The following SMIM31 variants were observed in gnomAD, a reference collection of about 807,000 sequenced individuals.
The protein encoded by SMIM31 is human epithelial cell program regulator.
At chr4:164,782,611 G>A (rs1228968843) in intron 2 of SMIM31, among the ~76,000 whole-genome samples, 3 of 118,538 alleles carry the variant, frequency 2.5e-5, no homozygotes, top group East Asian at 2.2e-4. Context: ...GTGAGCCACT[G>A]CGCCCGGCCC....
intron 2 of SMIM31, among the ~76,000 whole-genome samples, chr4:164,785,803 T>C (rs6812196): frequency 0.61 from 93,055 of 151,774 alleles, 29,630 homozygotes; most frequent in African/African-American, 0.79. Context: ...GGAAACCTAT[T>C]TTTTGAGAAT....
intron 2 of SMIM31, among the ~76,000 whole-genome samples, chr4:164,771,257 C>G (rs562981586): frequency 2.0e-5 from 3 of 152,226 alleles, no homozygotes; most frequent in Admixed American, 6.5e-5. Flanking sequence ...TTGCAGATTG[C>G]GAAACATAAT....
At chr4:164,777,233 T>C (rs1732889765) in intron 2 of SMIM31, among the ~76,000 whole-genome samples, 1 of 152,240 alleles carries the variant, frequency 6.6e-6, no homozygotes, top group Non-Finnish European at 1.5e-5. Flanking sequence ...AAACAAAACA[T>C]GACCAGGATA....
At chr4:164,756,441 G>C (rs1732562126) in intron 1 of SMIM31, among the ~76,000 whole-genome samples, 1 of 151,782 alleles carries the variant, frequency 6.6e-6, no homozygotes, top group Admixed American at 6.6e-5. Context: ...GTGTGGTGGT[G>C]GGCGCCTGTA....
At chr4:164,767,113 A>G (rs1732730235) in intron 1 of SMIM31, among the ~76,000 whole-genome samples, 1 of 152,138 alleles carries the variant, frequency 6.6e-6, no homozygotes, top group Non-Finnish European at 1.5e-5. Flanking sequence ...GGGAGTTTGA[A>G]TTTTACTCCA....
At chr4:164,790,165 A>C (rs2110956992) in intron 2 of SMIM31, among the ~76,000 whole-genome samples, 1 of 152,344 alleles carries the variant, frequency 6.6e-6, no homozygotes, top group East Asian at 1.9e-4. Flanking sequence ...GGCACATTTT[A>C]CTAAGCAAAA....
At chr4:164,755,204 G>A (rs1278030767) in intron 1 of SMIM31, among the ~76,000 whole-genome samples, 1 of 151,510 alleles carries the variant, frequency 6.6e-6, no homozygotes, top group South Asian at 2.1e-4. Context: ...CCACAGCCAG[G>A]CACGGTGGCT....
At chr4:164,757,300 A>T (rs12505124) in intron 1 of SMIM31, among the ~76,000 whole-genome samples, 54,446 of 152,046 alleles carry the variant, frequency 0.36, 11,924 homozygotes, top group Non-Finnish European at 0.48. Flanking sequence ...TTTCATAAGT[A>T]TGTATTGCTG....
At chr4:164,795,422 G>A (rs2110963020) in intron 2 of SMIM31, among the ~76,000 whole-genome samples, 1 of 152,172 alleles carries the variant, frequency 6.6e-6, no homozygotes, top group South Asian at 2.1e-4. Context: ...GCCAGGTGTG[G>A]TGGTGGTCGC....
At chr4:164,768,620 A>C (rs1353660073) in intron 1 of SMIM31, among the ~76,000 whole-genome samples, 6 of 152,222 alleles carry the variant, frequency 3.9e-5, no homozygotes. Context: ...ACCATTTTGC[A>C]TGAGCACAGG....
chr4:164,789,968 A>G (rs1264576675), intron 2 of SMIM31, among the ~76,000 whole-genome samples: 1 of 152,166 alleles, frequency 6.6e-6, no homozygotes, highest in Non-Finnish European at 1.5e-5. Flanking sequence ...GTAGAAGAGG[A>G]CTTGAGACCC....
chr4:164,767,767 A>G (rs1732738326), intron 1 of SMIM31, among the ~76,000 whole-genome samples: 1 of 152,240 alleles, frequency 6.6e-6, no homozygotes, highest in Admixed American at 6.5e-5. Context: ...CTGTGCCCTG[A>G]GCATTTGACA....
intron 1 of SMIM31, among the ~76,000 whole-genome samples, chr4:164,764,427 C>T (rs568262198): frequency 1.3e-5 from 2 of 151,926 alleles, no homozygotes; most frequent in Admixed American, 6.6e-5. Context: ...ATTAGCTGAG[C>T]GTGGTGGCGT....
chr4:164,789,766 G>T (rs1472967273), intron 2 of SMIM31, among the ~76,000 whole-genome samples: 1 of 152,156 alleles, frequency 6.6e-6, no homozygotes, highest in Non-Finnish European at 1.5e-5. Context: ...TTGGAAGATG[G>T]TACTTATTCT....
chr4:164,766,091 A>G (rs1732717310), intron 1 of SMIM31, among the ~76,000 whole-genome samples: 1 of 152,200 alleles, frequency 6.6e-6, no homozygotes, highest in African/African-American at 2.4e-5. Flanking sequence ...TGAGACAGAA[A>G]AATAAAGTAA....
At chr4:164,755,680 A>T (rs1732552337) in intron 1 of SMIM31, among the ~76,000 whole-genome samples, 1 of 151,538 alleles carries the variant, frequency 6.6e-6, no homozygotes, top group African/African-American at 2.4e-5. Flanking sequence ...AAATTGAATG[A>T]AACTGATGTT....
chr4:164,758,908 T>C (rs1284651878), intron 1 of SMIM31, among the ~76,000 whole-genome samples: 1 of 144,334 alleles, frequency 6.9e-6, no homozygotes, highest in Non-Finnish European at 1.5e-5. Flanking sequence ...GACCTCGTGA[T>C]CTGCCCGCCT....
chr4:164,758,889 C>T (rs1208650369), intron 1 of SMIM31, among the ~76,000 whole-genome samples: 28 of 131,810 alleles, frequency 2.1e-4, no homozygotes, highest in Non-Finnish European at 2.0e-4. Flanking sequence ...AGGATGGTCT[C>T]GATCTCCTGA....
chr4:164,765,206 A>G (rs1300291593), intron 1 of SMIM31, among the ~76,000 whole-genome samples: 2 of 152,246 alleles, frequency 1.3e-5, no homozygotes, highest in Non-Finnish European at 1.5e-5. Flanking sequence ...GGATCCATCC[A>G]AAAAGAAAGA....
Sources: gnomAD v4.1 joint callset for allele counts (sites outside exome capture counted in the v4.1 genomes callset) on GRCh38, gnomAD v4.1.1 for gene constraint, MANE v1.5 for transcripts, NCBI Gene and HGNC (gene_info 2026-07-23, HGNC 2026-07-21) for gene names.